Variants in CCDC38 observed in about 807,000 individuals in gnomAD.
The protein encoded by CCDC38 is coiled-coil domain containing 38.
CCDC38 carries 69 observed loss-of-function variants against 72.8 expected under a neutral mutation model. That is an observed-to-expected ratio of 0.95 (90% CI 0.78 to 1.16). The LOEUF is 1.16. CCDC38 is among the 50% of genes most tolerant of loss of function. CCDC38 has a pLI of 0.00. For missense variants in CCDC38, 626 were observed against 638.9 expected, an observed-to-expected ratio of 0.98 and a Z score of 0.22; for synonymous variants, 201 against 213.2, an observed-to-expected ratio of 0.94 and a Z score of 0.50.
chr12:95,890,970 T>C (rs781547981), intron 8 of CCDC38, 40 bp from the exon 9 acceptor site: 5 of 1,164,152 alleles, frequency 4.3e-6, no homozygotes, highest in African/African-American at 3.1e-5. Flanking sequence ...CAGAGAAAGA[T>C]GGGGGGAAAA....
rs2079528863 is a variant in CCDC38 at position 95,867,206 on chromosome 12, A to G, written c.1579-17T>C. On this transcript the variant is annotated splice_polypyrimidine_tract_variant and intron_variant, in intron 15 of 15. Transcript: ENST00000344280. ...TCTTCCCAACTGAAACAAAAGAAAA[A>G]CAAAATACTTAATATTTTTTGAGCA... is the stretch of plus-strand genomic sequence containing the variant. 7.5e-7 allele frequency: 1 copy of G among 1,334,292 alleles called. No individual in the cohort carries two copies. The highest frequency in any genetic ancestry group is 1.1e-6 in the Non-Finnish European group (1 of 939,012). 82.7% of individuals were successfully genotyped at this position (1,334,292 alleles called of 1,614,324 possible). A position where few individuals can be genotyped will look rare whatever the true frequency, so the allele number is the denominator to read the frequency against.
At chr12:95,938,089 C>T (rs1041197604) in intron 1 of CCDC38, among the ~76,000 whole-genome samples, 1 of 151,798 alleles carries the variant, frequency 6.6e-6, no homozygotes, top group African/African-American at 2.4e-5. Flanking sequence ...ATTTTAGTTC[C>T]AGTGGTTATA....
Position 95,889,664 on chromosome 12 carries a change from G to A in CCDC38, c.872-1158C>T, listed in dbSNP as rs1359531376. The stretch of plus-strand genomic sequence containing the variant: ...TAAATACATCCCAAGTTTGATAGCA[G>A]GATACAGGAGAAAAGGAGTCCCCAG... On this transcript the variant is annotated intron_variant, in intron 9 of 15. Coordinates refer to ENST00000344280, the MANE Select transcript of CCDC38 (RefSeq NM_182496.3). 2.0e-5 allele frequency among the ~76,000 whole-genome samples: 3 copies of A among 152,244 alleles called. No homozygotes were observed. The East Asian group carries it at 5.8e-4, about 29-fold the overall frequency.
intron 5 of CCDC38, among the ~76,000 whole-genome samples, chr12:95,901,238 A>G (rs1294994324): frequency 1.3e-5 from 2 of 152,176 alleles, no homozygotes; most frequent in Non-Finnish European, 2.9e-5. Flanking sequence ...GGATAACCCC[A>G]ATATTTTTGG....
chr12:95,888,791 T>A (rs60834030), intron 9 of CCDC38, among the ~76,000 whole-genome samples: 6,607 of 152,166 alleles, frequency 0.043, 463 homozygotes, highest in East Asian at 0.36. Context: ...CACTTTTGGC[T>A]TTTCCCTCCA....
chr12:95,871,643 GGAT>G, intron 14 of CCDC38, among the ~76,000 whole-genome samples: 1 of 152,328 alleles, frequency 6.6e-6, no homozygotes, highest in African/African-American at 2.4e-5. Flanking sequence ...GGGGCTCCAG[GGAT>G]GATAATCCTC....
intron 2 of CCDC38, among the ~76,000 whole-genome samples, chr12:95,921,635 G>A (rs1279335657): frequency 6.6e-6 from 1 of 152,068 alleles, no homozygotes; most frequent in Non-Finnish European, 1.5e-5. Context: ...GGGATTACGG[G>A]TCCCTCCTTT....
chr12:95,918,050 A>T (rs1018975409), intron 3 of CCDC38, among the ~76,000 whole-genome samples: 1 of 152,174 alleles, frequency 6.6e-6, no homozygotes, highest in Non-Finnish European at 1.5e-5. Flanking sequence ...TCGCATACAG[A>T]TGAATCTGTT....
At chr12:95,894,459 T>TG (rs1179667572) in intron 8 of CCDC38, among the ~76,000 whole-genome samples, 1 of 152,176 alleles carries the variant, frequency 6.6e-6, no homozygotes, top group Non-Finnish European at 1.5e-5. Context: ...ATGTCAGAGG[T>TG]GGGGCTTAGT....
chr12:95,892,278 C>T (rs1212924517), intron 8 of CCDC38, among the ~76,000 whole-genome samples: 20 of 76,002 alleles, frequency 2.6e-4, no homozygotes, highest in South Asian at 1.7e-3. Context: ...TTATTACAAT[C>T]TTTTTTTTTT....
At chr12:95,906,955 G>T (rs1266653316) in intron 4 of CCDC38, among the ~76,000 whole-genome samples, 1 of 150,980 alleles carries the variant, frequency 6.6e-6, no homozygotes, top group Non-Finnish European at 1.5e-5. Flanking sequence ...GTTTTCCTAG[G>T]CAGAGGACCC....
intron 14 of CCDC38, 40 bp downstream of exon 14, chr12:95,872,215 C>T (rs759031565): frequency 1.9e-6 from 3 of 1,582,464 alleles, no homozygotes; most frequent in East Asian, 2.2e-5. Context: ...TGAGCAAAAC[C>T]AGCTACTCAT....
chr12:95,879,885 G>A lies in CCDC38; in HGVS notation c.991-90C>T. 3 of 992,958 alleles carry A rather than the reference G, an allele frequency of 3.0e-6. No individual in the cohort carries two copies. In the Admixed American group the frequency reaches 6.9e-5, roughly 23 times the overall value. The allele number at this position is 992,958 out of a possible 1,614,324, so 61.5% of individuals were successfully genotyped here. A position where few individuals can be genotyped will look rare whatever the true frequency, so the allele number is the denominator to read the frequency against. On this transcript the variant is annotated intron_variant, in intron 11 of 15. Coordinates refer to ENST00000344280, the MANE Select transcript of CCDC38 (RefSeq NM_182496.3). This position sits in a 1 kb window ranked among gnomAD's most constrained non-coding sequence, Gnocchi z 5.5. Reference sequence around the variant, plus strand: ...ATCTAGAAAATACAGTGGGGTAAAGGAAGACAGTTCTAAGGATGAGGGAGA... The same window carrying A: ...ATCTAGAAAATACAGTGGGGTAAAGAAAGACAGTTCTAAGGATGAGGGAGA...
intron 5 of CCDC38, among the ~76,000 whole-genome samples, chr12:95,902,305 A>G (rs905516560): frequency 6.6e-6 from 1 of 152,178 alleles, no homozygotes; most frequent in African/African-American, 2.4e-5. Flanking sequence ...CATCACCACA[A>G]TCAAAACAAT....
In CCDC38 at chr12:95,898,444, G is replaced by A. The variant is rs750680533; in HGVS notation, c.555C>T (p.Asn185=). The A allele has an allele frequency of 4.3e-6, 7 of 1,614,142 alleles. No homozygotes were observed. Among genetic ancestry groups the A allele is most frequent in the Non-Finnish European group, 5.9e-6 (7 of 1,180,014 alleles). Residue 185 remains asparagine, a synonymous_variant, in exon 7 of 16, where the codon AAC becomes AAT. Coordinates refer to ENST00000344280, the MANE Select transcript of CCDC38 (RefSeq NM_182496.3). Reference sequence around the variant, plus strand: ...TCAGCTCTGCTGTCATTTGGAGTTTGTTTATTGTTTCCTGTGCTGCCCTGA... The same window carrying A: ...TCAGCTCTGCTGTCATTTGGAGTTTATTTATTGTTTCCTGTGCTGCCCTGA... ...ALKMAAQETI[N]KLQMTAELKK... is the part of the protein sequence containing the mutation.
chr12:95,894,080 A>G (rs952569977), intron 8 of CCDC38, among the ~76,000 whole-genome samples: 1 of 151,988 alleles, frequency 6.6e-6, no homozygotes, highest in African/African-American at 2.4e-5. Flanking sequence ...TTAGCTGGGC[A>G]TGGTGGTGCG....
chr12:95,927,142 T>A (rs2080280414), intron 2 of CCDC38, among the ~76,000 whole-genome samples: 1 of 151,998 alleles, frequency 6.6e-6, no homozygotes, highest in Non-Finnish European at 1.5e-5. Context: ...GACAGTGGGG[T>A]GTTAAAGTCT....
chr12:95,884,294 A>G (rs2079733428), intron 10 of CCDC38, among the ~76,000 whole-genome samples: 1 of 152,250 alleles, frequency 6.6e-6, no homozygotes, highest in African/African-American at 2.4e-5. Context: ...GACTGCATGG[A>G]CACCAAAATA....
At chr12:95,917,602 G>T (rs1484045020) in intron 3 of CCDC38, among the ~76,000 whole-genome samples, 1 of 152,150 alleles carries the variant, frequency 6.6e-6, no homozygotes, top group Non-Finnish European at 1.5e-5. Flanking sequence ...GCTGGGTGCG[G>T]TAGCTCATGT....
Sources: allele counts gnomAD v4.1 joint callset (sites outside exome capture counted in the v4.1 genomes callset), GRCh38; gene constraint gnomAD v4.1.1; non-coding constraint Gnocchi (gnomAD v3.1); transcripts MANE v1.5; gene names NCBI Gene and HGNC (gene_info 2026-07-23, HGNC 2026-07-21).